NIBAN3: variants seen among roughly 807,000 people sequenced by gnomAD.
The protein encoded by NIBAN3 is protein Niban 3.
NIBAN3 carries 66 observed loss-of-function variants against 76.4 expected under a neutral mutation model. The observed-to-expected ratio is 0.86, with a 90% confidence interval of 0.71 to 1.06. The LOEUF (loss-of-function observed/expected upper bound fraction) is 1.06. Ranked by LOEUF, NIBAN3 falls within the 50% of genes least tolerant of loss-of-function variation. The pLI, the probability that NIBAN3 is intolerant of heterozygous loss-of-function variation, is 0.00. For synonymous variants in NIBAN3, 360 were observed against 355.2 expected (o/e 1.01, Z -0.15); for missense variants, 808 against 810.7 (o/e 1.00, Z 0.04).
chr19:17,534,084 T>A (rs2075780592), intron 4 of NIBAN3, among the ~76,000 whole-genome samples: 1 of 152,156 alleles, frequency 6.6e-6, no homozygotes, highest in Admixed American at 6.6e-5. Flanking sequence ...ATGCCTGTAG[T>A]CCCAGCTACT....
At chr19:17,525,870 C>T (rs930383387), upstream of NIBAN3, among the ~76,000 whole-genome samples, 7 of 152,010 alleles carry the variant, frequency 4.6e-5, no homozygotes, top group African/African-American at 1.4e-4. Context: ...GAGGCTGAGG[C>T]GAGAGGATCA....
intron 9 of NIBAN3, 30 bp downstream of exon 9, chr19:17,540,612 G>T: frequency 7.2e-6 from 10 of 1,394,202 alleles, no homozygotes; most frequent in Non-Finnish European, 9.4e-6. Flanking sequence ...GGTTCAGTGA[G>T]CCAGAGGGTG....
At chr19:17,523,507 G>T (rs1232214962), upstream of NIBAN3, 11 of 1,513,220 alleles carry the variant, frequency 7.3e-6, no homozygotes, top group Non-Finnish European at 9.0e-6. Flanking sequence ...CTGTGGGGCT[G>T]GTTGAGGGCA....
Position 17,527,408 on chromosome 19 carries a change from G to T in NIBAN3, c.55+13G>T. ...CAGCACCTAAGGGGTGAGCAGCCGG[G>T]GAGGGGACAGGGTGGGAGTCCAGGT... On this transcript the variant is annotated intron_variant, in intron 1 of 14. Coordinates refer to ENST00000599164, the MANE Select transcript of NIBAN3 (RefSeq NM_001321827.2). 1 of 1,513,542 alleles carries T rather than the reference G, an allele frequency of 6.6e-7. No homozygotes were observed. Among genetic ancestry groups the T allele is most frequent in the Non-Finnish European group, 8.9e-7 (1 of 1,128,066 alleles). The allele number at this position is 1,513,542 out of a possible 1,614,324, so 93.8% of individuals were successfully genotyped here. A position where few individuals can be genotyped will look rare whatever the true frequency, so the allele number is the denominator to read the frequency against.
At chr19:17,540,318 C>T (rs866321543) in intron 8 of NIBAN3, 74 bp from the exon 9 acceptor site, 2 of 1,150,386 alleles carry the variant, frequency 1.7e-6, no homozygotes, top group Non-Finnish European at 2.3e-6. Flanking sequence ...GTCCCCCTCG[C>T]GAGGGCCCCT....
chr19:17,546,602 C>G lies in NIBAN3; in HGVS notation c.1555-84C>G, dbSNP rs1325647182. The stretch of plus-strand genomic sequence containing the variant: ...CCCCCAACCCCACAGCTAATCAGGC[C>G]CAGGGCTAGGGCAGAAGCCTGTGTT... On this transcript the variant is annotated intron_variant, in intron 12 of 14. Transcript: ENST00000599164. 2.2e-6 allele frequency: 3 copies of G among 1,365,696 alleles called. No individual in the cohort carries two copies. The African/African-American group carries it at 4.6e-5, about 21-fold the overall frequency. 84.6% of individuals were successfully genotyped at this position (1,365,696 alleles called of 1,614,324 possible).
chr19:17,538,982 T>G (rs8112256), intron 5 of NIBAN3, among the ~76,000 whole-genome samples, 168 bp from the exon 6 acceptor site: 2 of 152,094 alleles, frequency 1.3e-5, no homozygotes, highest in Non-Finnish European at 1.5e-5. Context: ...ATAAACATGA[T>G]GGTCTTGGGG....
Position 17,549,485 on chromosome 19 carries a change from C to A in NIBAN3, c.1708C>A (p.Leu570Met). ...TGGTGCCAATGATGTATCCTGCACT[C>A]TGGACGGCTGCTTGGAGGTCCCATG... ...TLGANDVSCTLDGCLEVPWEQ... is the reference protein window; with the variant it reads ...TLGANDVSCTMDGCLEVPWEQ... Residue 570 changes from leucine to methionine, a missense_variant, in exon 14 of 15, where the codon CTG becomes ATG. Leu to Met is a conservative substitution (Grantham distance 15). Coordinates refer to ENST00000599164, the MANE Select transcript of NIBAN3 (RefSeq NM_001321827.2). 2 of 1,613,976 alleles carry A rather than the reference C, an allele frequency of 1.2e-6. No homozygotes were observed. The highest frequency in any genetic ancestry group is 1.7e-6 in the Non-Finnish European group (2 of 1,179,894).
intron 2 of NIBAN3, 61 bp downstream of exon 2, chr19:17,530,946 C>T (rs1424315504): frequency 1.3e-6 from 2 of 1,555,164 alleles, no homozygotes; most frequent in Non-Finnish European, 1.7e-6. Flanking sequence ...AGGAGCCCTC[C>T]CTAGGCCATG....
upstream of NIBAN3, among the ~76,000 whole-genome samples, chr19:17,524,638 G>A (rs1332782528): frequency 6.6e-6 from 1 of 152,236 alleles, no homozygotes; most frequent in Non-Finnish European, 1.5e-5. Flanking sequence ...TGTTAGTGAA[G>A]ATTACATTCA....
rs375915215 is a variant in NIBAN3 at position 17,543,450 on chromosome 19, C to G, written c.1446+17C>G. Reference sequence around the variant, plus strand: ...GTGCTGAAGGTGTGTTCTGTGGGTACGGGGTGGCATGGGGTGGCAGTGGGC... The same window carrying G: ...GTGCTGAAGGTGTGTTCTGTGGGTAGGGGGTGGCATGGGGTGGCAGTGGGC... On this transcript the variant is annotated intron_variant, in intron 11 of 14. Coordinates refer to ENST00000599164, the MANE Select transcript of NIBAN3 (RefSeq NM_001321827.2). 162 of 1,610,316 alleles carry G rather than the reference C, an allele frequency of 1.0e-4. No individual in the cohort carries two copies. Among genetic ancestry groups the G allele is most frequent in the Middle Eastern group, 1.6e-4 (1 of 6,072 alleles).
At chr19:17,540,124 G>A (rs2075918174) in intron 8 of NIBAN3, 2 of 420,640 alleles carry the variant, frequency 4.8e-6, no homozygotes, top group Non-Finnish European at 8.4e-6. Context: ...CAATGCGGGT[G>A]GGCGGGCCTG....
In NIBAN3 at chr19:17,537,359, C is replaced by T. The variant is rs1242299257; in HGVS notation, c.428-17C>T. ...TGAATGAACGTCTAGAAGATGCGAC[C>T]TCCTGTTTGTTTTCAGGAGACCATA... is the stretch of plus-strand genomic sequence containing the variant. On this transcript the variant is annotated splice_polypyrimidine_tract_variant and intron_variant, in intron 4 of 14. Transcript: ENST00000599164. 49 of 1,610,740 alleles carry T rather than the reference C, an allele frequency of 3.0e-5. No homozygotes were observed. The highest frequency in any genetic ancestry group is 4.2e-5 in the Non-Finnish European group (49 of 1,177,864).
At chr19:17,532,205 G>A (rs775240102) in intron 2 of NIBAN3, 58 bp from the exon 3 acceptor site, 17 of 1,551,700 alleles carry the variant, frequency 1.1e-5, no homozygotes, top group African/African-American at 4.1e-5. Flanking sequence ...CTGGGTGGTC[G>A]GGCCACAGGG....
chr19:17,555,508 C>A, downstream of NIBAN3: 4 of 338,076 alleles, frequency 1.2e-5, no homozygotes, highest in Non-Finnish European at 1.9e-5. Flanking sequence ...AAGATCGGTG[C>A]GGGGGCGGGG....
upstream of NIBAN3, among the ~76,000 whole-genome samples, chr19:17,526,096 G>A (rs961576449): frequency 1.3e-5 from 2 of 151,792 alleles, no homozygotes; most frequent in African/African-American, 2.4e-5. Context: ...GGTGGATCAC[G>A]AGGTCAGGAG....
Position 17,539,691 on chromosome 19 carries a change from C to T in NIBAN3, c.905C>T (p.Ser302Leu), listed in dbSNP as rs562422300. ...FQPEKDELLASLEKTIRPDVD... is the reference protein window; with the variant it reads ...FQPEKDELLALLEKTIRPDVD... Reference sequence around the variant, plus strand: ...CCCGAAAAGGACGAGCTGCTTGCGTCGCTGGAGAAGACGATCCGCCCGGAC... The same window carrying T: ...CCCGAAAAGGACGAGCTGCTTGCGTTGCTGGAGAAGACGATCCGCCCGGAC... The change falls in exon 8 of 15, where the codon TCG becomes TTG. Residue 302 changes from serine (S) to leucine (L), a missense_variant. Physicochemically the swap from Ser to Leu is moderately radical, Grantham distance 145. Transcript: ENST00000599164. 8.4e-6 allele frequency: 13 copies of T among 1,554,216 alleles called. No individual in the cohort carries two copies. Among genetic ancestry groups the T allele is most frequent in the East Asian group, 2.4e-5 (1 of 41,434 alleles).
intron 2 of NIBAN3, among the ~76,000 whole-genome samples, chr19:17,532,050 C>G (rs749809808): frequency 6.6e-6 from 1 of 152,188 alleles, no homozygotes; most frequent in South Asian, 2.1e-4. Context: ...TTTGCCTCTC[C>G]GGAATGCCCC....
At chr19:17,540,712 T>A in intron 9 of NIBAN3, 130 bp downstream of exon 9, 1 of 638,480 alleles carries the variant, frequency 1.6e-6, no homozygotes, top group Non-Finnish European at 2.4e-6. Context: ...CACCATGCTA[T>A]GGTCAGTGGA....
Sources: allele counts gnomAD v4.1 joint callset (sites outside exome capture counted in the v4.1 genomes callset), GRCh38; gene constraint gnomAD v4.1.1; transcripts MANE v1.5; gene names NCBI Gene and HGNC (gene_info 2026-07-23, HGNC 2026-07-21).